The following SIPA1L2 variants were observed in gnomAD, a reference collection of about 807,000 sequenced individuals.
The protein encoded by SIPA1L2 is signal induced proliferation associated 1 like 2.
In SIPA1L2, 56 loss-of-function variants were observed where a neutral mutation model predicts 163.9. The observed-to-expected ratio is 0.34, with a 90% CI of 0.28 to 0.43. The LOEUF (loss-of-function observed/expected upper bound fraction) is 0.43, where lower values mean the gene tolerates loss of function less well. SIPA1L2 is among the 20% of genes least tolerant of loss of function. SIPA1L2 has a pLI of 1.00. For synonymous variants in SIPA1L2, 877 were observed against 865.7 expected, an observed-to-expected ratio of 1.01 and a Z score of -0.23; for missense variants, 1,974 against 2,193.5, an observed-to-expected ratio of 0.90 and a Z score of 2.00.
chr1:232,605,232 T>C (rs1395529584), intron 1 of SIPA1L2, among the ~76,000 whole-genome samples: 1 of 152,192 alleles, frequency 6.6e-6, no homozygotes, highest in East Asian at 1.9e-4. Flanking sequence ...CAGTCTGGTG[T>C]CAAACTCCTG....
chr1:232,454,530 T>C (rs1434353538), intron 10 of SIPA1L2, among the ~76,000 whole-genome samples: 2 of 152,220 alleles, frequency 1.3e-5, no homozygotes, highest in Non-Finnish European at 2.9e-5. Context: ...TTCAAAATTA[T>C]ACAGAGAAGA....
chr1:232,494,360 T>C (rs561148292), intron 3 of SIPA1L2, among the ~76,000 whole-genome samples: 9 of 152,236 alleles, frequency 5.9e-5, no homozygotes, highest in Non-Finnish European at 1.2e-4. Context: ...GGGTGGCACC[T>C]GAGGCCATAC....
intron 6 of SIPA1L2, among the ~76,000 whole-genome samples, chr1:232,481,320 C>G (rs1377941951): frequency 6.6e-6 from 1 of 152,056 alleles, no homozygotes; most frequent in Non-Finnish European, 1.5e-5. Flanking sequence ...ATGACAAAAC[C>G]AAAGGCTGGA....
rs1279656540 is a variant in SIPA1L2, at chr1:232,514,140, C to T, written c.1200G>A (p.Gly400=). The T allele has an allele frequency of 1.2e-6, 2 of 1,614,094 alleles. No homozygotes were observed. The highest frequency in any genetic ancestry group is 1.7e-6 in the Non-Finnish European group (2 of 1,180,042). The change falls in exon 3 of 23, where the codon GGG becomes GGA. Residue 400 remains glycine (G), a synonymous_variant. Transcript: ENST00000674635. ...AACTAAGGACGAGGTCGTTACTTTT[C>T]CCATCACCCTCATCGGCATCCAGGT... ...KENLDADEGD[G]KSNDLVLSCP... is the part of the protein sequence containing the mutation.
At chr1:232,422,635 T>C (rs1388854551) in intron 18 of SIPA1L2, among the ~76,000 whole-genome samples, 1 of 152,166 alleles carries the variant, frequency 6.6e-6, no homozygotes, top group Non-Finnish European at 1.5e-5. Context: ...AAGAAGAGTA[T>C]CTGTGCTTTC....
chr1:232,582,667 T>C (rs766483585), intron 1 of SIPA1L2, among the ~76,000 whole-genome samples: 3 of 152,216 alleles, frequency 2.0e-5, no homozygotes, highest in Non-Finnish European at 4.4e-5. Flanking sequence ...TTTGGTTATA[T>C]ACCCAGTAAT....
At chr1:232,539,285 T>C (rs984086043) in intron 2 of SIPA1L2, among the ~76,000 whole-genome samples, 2 of 152,144 alleles carry the variant, frequency 1.3e-5, no homozygotes, top group Admixed American at 6.5e-5. Flanking sequence ...CCTTGAGAGG[T>C]GCGAAACAAT....
chr1:232,398,199 A>C lies in SIPA1L2; in HGVS notation c.*928T>G, dbSNP rs1660135077. The C allele has an allele frequency of 6.5e-6, 1 of 152,684 alleles. No homozygotes were observed. The highest frequency in any genetic ancestry group is 2.1e-4 in the South Asian group (1 of 4,834). 9.5% of individuals were successfully genotyped at this position (152,684 alleles called of 1,614,324 possible). ...AGGCCAAACCAAATTTTATAAAATT[A>C]ACAATTTAAGGTTAAATAAGCTTAA... On this transcript the variant is annotated 3_prime_UTR_variant, in exon 23 of 23. Coordinates refer to ENST00000674635, the MANE Select transcript of SIPA1L2 (RefSeq NM_020808.5).
intron 1 of SIPA1L2, among the ~76,000 whole-genome samples, chr1:232,576,515 T>A (rs948685793): frequency 6.6e-6 from 1 of 152,146 alleles, no homozygotes; most frequent in Non-Finnish European, 1.5e-5. Flanking sequence ...ACCTCCCGAT[T>A]CCCTGAGACA....
intron 7 of SIPA1L2, among the ~76,000 whole-genome samples, chr1:232,478,734 T>C (rs953904802): frequency 6.6e-6 from 1 of 152,232 alleles, no homozygotes; most frequent in Non-Finnish European, 1.5e-5. Context: ...AATTAAATTA[T>C]GTCAATGAAT....
chr1:232,438,846 G>C (rs1364222378), intron 15 of SIPA1L2, among the ~76,000 whole-genome samples: 1 of 151,572 alleles, frequency 6.6e-6, no homozygotes, highest in African/African-American at 2.4e-5. Flanking sequence ...GGCCTGACTA[G>C]AGCGATTAAT....
chr1:232,477,358 G>A (rs145864518), intron 7 of SIPA1L2, among the ~76,000 whole-genome samples: 4 of 152,166 alleles, frequency 2.6e-5, no homozygotes, highest in Non-Finnish European at 5.9e-5. Flanking sequence ...TCCATGCCTG[G>A]AACTATTTTA....
chr1:232,462,135 G>T, intron 9 of SIPA1L2: 1 of 1,177,302 alleles, frequency 8.5e-7, no homozygotes, highest in Non-Finnish European at 1.2e-6. Context: ...AAGAATGGTG[G>T]ATTGCATCCC....
intron 8 of SIPA1L2, among the ~76,000 whole-genome samples, chr1:232,468,934 C>T (rs1250354516): frequency 1.3e-5 from 2 of 152,168 alleles, no homozygotes; most frequent in Admixed American, 1.3e-4. Flanking sequence ...TGAGATGTTT[C>T]GTGGGGCTCT....
At chr1:232,621,584 T>C (rs754944692) in intron 1 of SIPA1L2, among the ~76,000 whole-genome samples, 3 of 152,218 alleles carry the variant, frequency 2.0e-5, no homozygotes, top group Non-Finnish European at 2.9e-5. Context: ...ACCAGCCTTA[T>C]AAGGTTCTCG....
In SIPA1L2 at chr1:232,490,984, G is replaced by C. The variant is rs766060322; in HGVS notation, c.1696C>G (p.Leu566Val). The C allele has an allele frequency of 6.2e-7, 1 of 1,614,174 alleles. No homozygotes were observed. The highest frequency in any genetic ancestry group is 1.1e-5 in the South Asian group (1 of 91,082). The change falls in exon 5 of 23, where the codon CTC becomes GTC. Residue 566 changes from leucine (L) to valine (V), a missense_variant. Leu to Val is a conservative substitution (Grantham distance 32). Coordinates refer to ENST00000674635, the MANE Select transcript of SIPA1L2 (RefSeq NM_020808.5). ...ATGACGTATTCCAAAACTTCTTTGA[G>C]AGGTAGTCCTCGTGCGGTACCATGC... ...ARHGTARGLP[L>V]KEVLEYVIPE...
chr1:232,461,345 A>G (rs1664225052), intron 9 of SIPA1L2, among the ~76,000 whole-genome samples, 184 bp from the exon 10 acceptor site: 1 of 152,222 alleles, frequency 6.6e-6, no homozygotes, highest in South Asian at 2.1e-4. Flanking sequence ...TTAAGTTCAG[A>G]GCTGATCACA....
chr1:232,526,620 C>A (rs1183545724), intron 2 of SIPA1L2, among the ~76,000 whole-genome samples: 1 of 152,206 alleles, frequency 6.6e-6, no homozygotes, highest in African/African-American at 2.4e-5. Flanking sequence ...AGGCCATGGG[C>A]CCCTGCCGTA....
intron 1 of SIPA1L2, among the ~76,000 whole-genome samples, chr1:232,598,717 G>A (rs574176605): frequency 6.6e-6 from 1 of 152,012 alleles, no homozygotes; most frequent in Admixed American, 6.6e-5. Flanking sequence ...ATCTTATAGG[G>A]GCATTTATCC....
Sources: allele counts gnomAD v4.1 joint callset (sites outside exome capture counted in the v4.1 genomes callset), GRCh38; gene constraint gnomAD v4.1.1; transcripts MANE v1.5; gene names NCBI Gene and HGNC (gene_info 2026-07-23, HGNC 2026-07-21).